CALN1: variants seen among roughly 807,000 people sequenced by gnomAD.
CALN1 encodes calneuron 1, also known as calcium-binding protein 8.
CALN1 carries 17 observed loss-of-function variants against 30.6 expected under a neutral mutation model. The ratio of observed to expected loss-of-function variants is 0.56; its 90% CI spans 0.38 to 0.83. CALN1 has a LOEUF of 0.83. Ranked by LOEUF, CALN1 falls within the 40% of genes least tolerant of loss-of-function variation. CALN1 has a pLI of 0.00. For missense variants in CALN1, 291 were observed against 354.9 expected, an observed-to-expected ratio of 0.82 and a Z score of 1.45; for synonymous variants, 156 against 131.4, an observed-to-expected ratio of 1.19 and a Z score of -1.28.
chr7:72,418,745 C>T (rs1807509629), intron 1 of CALN1, among the ~76,000 whole-genome samples: 1 of 152,158 alleles, frequency 6.6e-6, no homozygotes, highest in Non-Finnish European at 1.5e-5. Context: ...GGTGATGTGG[C>T]TTGCACCTAT....
intron 4 of CALN1, among the ~76,000 whole-genome samples, chr7:72,105,044 A>C (rs1305942345): frequency 1.3e-5 from 2 of 152,230 alleles, no homozygotes; most frequent in East Asian, 1.9e-4. Flanking sequence ...GAAAAAAAAA[A>C]AAGGTGAGAA....
chr7:71,988,959 A>T (rs1191898621), intron 5 of CALN1, among the ~76,000 whole-genome samples: 1 of 152,144 alleles, frequency 6.6e-6, no homozygotes, highest in African/African-American at 2.4e-5. Flanking sequence ...AGCAAACAGG[A>T]GGCACAGCTG....
chr7:72,309,163 C>T (rs956639377), intron 2 of CALN1, among the ~76,000 whole-genome samples: 1 of 152,152 alleles, frequency 6.6e-6, no homozygotes, highest in African/African-American at 2.4e-5. Context: ...CTCACCTAAG[C>T]CAGGAACCTG....
chr7:71,964,948 A>C (rs1352856591), intron 5 of CALN1, among the ~76,000 whole-genome samples: 2 of 152,208 alleles, frequency 1.3e-5, no homozygotes, highest in Non-Finnish European at 2.9e-5. Flanking sequence ...CCTTAAAAAC[A>C]CTGCCAGACT....
At chr7:71,901,080 T>C (rs1024791967) in intron 5 of CALN1, among the ~76,000 whole-genome samples, 3 of 152,154 alleles carry the variant, frequency 2.0e-5, no homozygotes, top group Non-Finnish European at 2.9e-5. Context: ...GATAAACTTC[T>C]TTGCCTACTC....
intron 5 of CALN1, among the ~76,000 whole-genome samples, chr7:72,015,381 A>C (rs551487335): frequency 6.6e-6 from 1 of 151,338 alleles, no homozygotes; most frequent in Non-Finnish European, 1.5e-5. Context: ...ACAGGTCAGT[A>C]TTGAATATTC....
At chr7:71,805,068 A>G (rs1787527945) in intron 6 of CALN1, among the ~76,000 whole-genome samples, 1 of 152,214 alleles carries the variant, frequency 6.6e-6, no homozygotes, top group African/African-American at 2.4e-5. Flanking sequence ...AGCATTTTGA[A>G]ATCTTTTCCA....
At chr7:72,316,675 C>T (rs1316076952) in intron 2 of CALN1, among the ~76,000 whole-genome samples, 1 of 152,082 alleles carries the variant, frequency 6.6e-6, no homozygotes, top group Non-Finnish European at 1.5e-5. Flanking sequence ...GTGTCTCATG[C>T]CTGAAACCCC....
At chr7:72,274,455 C>A (rs1220620316) in intron 3 of CALN1, among the ~76,000 whole-genome samples, 1 of 144,420 alleles carries the variant, frequency 6.9e-6, no homozygotes, top group Non-Finnish European at 1.5e-5. Context: ...TTGCAGTGAG[C>A]AAAGATCGCG....
At chr7:72,275,476 A>T (rs1797275682) in intron 3 of CALN1, among the ~76,000 whole-genome samples, 1 of 152,172 alleles carries the variant, frequency 6.6e-6, no homozygotes, top group Non-Finnish European at 1.5e-5. Flanking sequence ...GAGCCCCGAG[A>T]TGCTTGTAAT....
intron 2 of CALN1, among the ~76,000 whole-genome samples, chr7:72,292,354 CTT>C (rs1455908940): frequency 6.6e-6 from 1 of 151,436 alleles, no homozygotes; most frequent in African/African-American, 2.4e-5. Flanking sequence ...GCTCTGGTCT[CTT>C]TGTCCCCTTA....
intron 5 of CALN1, among the ~76,000 whole-genome samples, chr7:71,851,891 T>G (rs1487502378): frequency 6.6e-6 from 1 of 151,982 alleles, no homozygotes; most frequent in Non-Finnish European, 1.5e-5. Flanking sequence ...AAGCAGTTAA[T>G]TAAGGGAGAG....
chr7:72,216,383 C>G (rs1435935652), intron 3 of CALN1, among the ~76,000 whole-genome samples: 1 of 151,154 alleles, frequency 6.6e-6, no homozygotes, highest in Non-Finnish European at 1.5e-5. Context: ...CCACTGCACT[C>G]CAGCCTGGAT....
At chr7:72,221,607 GAGGCTGGACGCAGTGGCTCATGCC>G (rs1256371292) in intron 3 of CALN1, among the ~76,000 whole-genome samples, 2 of 152,188 alleles carry the variant, frequency 1.3e-5, no homozygotes, top group African/African-American at 4.8e-5. Flanking sequence ...CTGAGTGGCT[GAGGCTGGACGCAGTGGCTCATGCC>G]TGTAATCGCA....
intron 4 of CALN1, among the ~76,000 whole-genome samples, chr7:72,086,577 GC>G (rs1216445328): frequency 2.6e-5 from 4 of 152,054 alleles, no homozygotes; most frequent in Non-Finnish European, 5.9e-5. Flanking sequence ...GGGACTACCG[GC>G]CCGTGCCACC....
chr7:71,952,878 C>T (rs1369874021), intron 5 of CALN1, among the ~76,000 whole-genome samples: 1 of 152,168 alleles, frequency 6.6e-6, no homozygotes. Context: ...AAGTCTTCTT[C>T]GATTCCTCTA....
intron 3 of CALN1, among the ~76,000 whole-genome samples, chr7:72,252,286 G>T (rs549648820): frequency 2.6e-5 from 4 of 152,036 alleles, no homozygotes; most frequent in Non-Finnish European, 5.9e-5. Context: ...GCAAATCTTG[G>T]TAAGTCCACC....
At chr7:72,214,128 G>A (rs74887083) in intron 3 of CALN1, among the ~76,000 whole-genome samples, 4,906 of 152,300 alleles carry the variant, frequency 0.032, 263 homozygotes, top group African/African-American at 0.11. Flanking sequence ...ACAGTTTGGT[G>A]ACAAGGTGTT....
At chr7:72,119,477 A>G (rs1808226433) in intron 3 of CALN1, among the ~76,000 whole-genome samples, 1 of 151,894 alleles carries the variant, frequency 6.6e-6, no homozygotes, top group African/African-American at 2.4e-5. Flanking sequence ...AGTGAGGACA[A>G]AACCAAACCA....
Sources: gnomAD v4.1 joint callset for allele counts (sites outside exome capture counted in the v4.1 genomes callset) on GRCh38, gnomAD v4.1.1 for gene constraint, MANE v1.5 for transcripts, NCBI Gene and HGNC (gene_info 2026-07-23, HGNC 2026-07-21) for gene names.